SVOPL: variants seen among roughly 807,000 people sequenced by gnomAD.
The protein encoded by SVOPL is putative transporter SVOPL.
A neutral mutation model predicts 61.0 loss-of-function variants in SVOPL; 60 were observed. That is an observed-to-expected ratio of 0.98 (90% CI 0.80 to 1.22). The LOEUF (loss-of-function observed/expected upper bound fraction) is 1.22, where lower values mean the gene tolerates loss of function less well. SVOPL is among the 50% of genes most tolerant of loss of function. The probability of loss-of-function intolerance (pLI) is 0.00; values close to 1 mark genes in which losing one functional copy is unlikely to be tolerated. For synonymous variants in SVOPL, 279 were observed against 250.0 expected, an observed-to-expected ratio of 1.12 and a Z score of -1.09; for missense variants, 662 against 643.9, an observed-to-expected ratio of 1.03 and a Z score of -0.30.
chr7:138,626,079 T>C (rs1799880138), intron 12 of SVOPL, 29 bp from the exon 13 acceptor site: 1 of 1,611,946 alleles, frequency 6.2e-7, no homozygotes, highest in Non-Finnish European at 8.5e-7. Context: ...AGAGAAATTA[T>C]AAAAGGCAGC....
At chr7:138,639,524 G>C (rs1800673669) in intron 9 of SVOPL, among the ~76,000 whole-genome samples, 2 of 151,914 alleles carry the variant, frequency 1.3e-5, no homozygotes, top group Non-Finnish European at 2.9e-5. Context: ...CTACTTGGGA[G>C]GCCGAGGCAG....
intron 1 of SVOPL, among the ~76,000 whole-genome samples, chr7:138,687,370 G>A (rs938720424): frequency 3.6e-4 from 54 of 150,682 alleles, no homozygotes; most frequent in Non-Finnish European, 1.2e-4. Flanking sequence ...CGAGTAGCTG[G>A]GATTACAGGT....
At chr7:138,638,328 G>A (rs1322972212) in intron 9 of SVOPL, among the ~76,000 whole-genome samples, 4 of 146,250 alleles carry the variant, frequency 2.7e-5, no homozygotes, top group Non-Finnish European at 6.0e-5. Flanking sequence ...GAAAGGAGAT[G>A]CAAAAAACTC....
At chr7:138,657,255 A>C (rs1801792416) in intron 6 of SVOPL, among the ~76,000 whole-genome samples, 1 of 152,044 alleles carries the variant, frequency 6.6e-6, no homozygotes, top group South Asian at 2.1e-4. Context: ...TCCTGGGCTC[A>C]AGAGATCTTC....
intron 5 of SVOPL, chr7:138,661,465 G>A (rs1801996284): frequency 9.2e-6 from 9 of 982,484 alleles, no homozygotes; most frequent in Non-Finnish European, 1.1e-5. Flanking sequence ...AGAGACACAG[G>A]AGCATGCGAC....
intron 7 of SVOPL, among the ~76,000 whole-genome samples, chr7:138,652,678 C>T (rs1329563550): frequency 6.6e-6 from 1 of 151,804 alleles, no homozygotes; most frequent in Non-Finnish European, 1.5e-5. Flanking sequence ...TGCAATGGTG[C>T]CATCTCAGCT....
At chr7:138,611,848 T>G (rs1179290850) in intron 14 of SVOPL, among the ~76,000 whole-genome samples, 4 of 68,160 alleles carry the variant, frequency 5.9e-5, no homozygotes, top group East Asian at 4.7e-4. Flanking sequence ...CCTCCCAAAG[T>G]GCCGAGATTG....
chr7:138,617,325 G>A (rs553640736), intron 14 of SVOPL, among the ~76,000 whole-genome samples: 5 of 152,190 alleles, frequency 3.3e-5, no homozygotes, highest in South Asian at 4.1e-4. Flanking sequence ...ATTAGGATAT[G>A]TAAACATATT....
At position 138,656,644 on chromosome 7, in the gene SVOPL, T is replaced by G. The variant is rs1222208183; in HGVS notation, c.471-133A>C. 1.2e-5 allele frequency: 11 copies of G among 889,172 alleles called. No individual in the cohort carries two copies. In the Admixed American group the frequency reaches 2.6e-4, roughly 21 times the overall value. The allele number at this position is 889,172 out of a possible 1,614,324, so 55.1% of individuals were successfully genotyped here. On this transcript the variant is annotated intron_variant, in intron 6 of 15. Transcript: ENST00000674285. Reference sequence around the variant, plus strand: ...AAGTTGATTATATATCAGAAGAGAATTATGACAGCTAATATCCACATAAGA... The same window carrying G: ...AAGTTGATTATATATCAGAAGAGAAGTATGACAGCTAATATCCACATAAGA...
intron 9 of SVOPL, among the ~76,000 whole-genome samples, chr7:138,641,836 C>CATATATATATATATATAT (rs1371202219): frequency 3.3e-5 from 1 of 30,252 alleles, no homozygotes; most frequent in Non-Finnish European, 7.4e-5. Flanking sequence ...ATATATATAA[C>CATATATATATATATATAT]ATATATATAT....
At chr7:138,659,727 A>G in intron 6 of SVOPL, 137 bp downstream of exon 6, 1 of 925,414 alleles carries the variant, frequency 1.1e-6, no homozygotes. Flanking sequence ...GCAAAAATAA[A>G]CTTTCTAAAT....
intron 1 of SVOPL, among the ~76,000 whole-genome samples, chr7:138,682,224 G>A (rs1028525798): frequency 9.2e-5 from 14 of 152,104 alleles, no homozygotes. Flanking sequence ...TAAACTATGA[G>A]GTGAAAGGCT....
At chr7:138,627,270 G>A (rs1430508652) in intron 12 of SVOPL, 80 bp downstream of exon 12, 2 of 1,070,956 alleles carry the variant, frequency 1.9e-6, no homozygotes, top group Admixed American at 4.2e-5. Context: ...ACTTGTCCCT[G>A]AAACTACTGA....
chr7:138,657,030 C>G (rs557150533), intron 6 of SVOPL, among the ~76,000 whole-genome samples: 1 of 148,060 alleles, frequency 6.8e-6, no homozygotes, highest in East Asian at 2.0e-4. Flanking sequence ...GAGCGAAACT[C>G]CATGTTGAAA....
chr7:138,594,932 T>C (rs1359041596), intron 15 of SVOPL, among the ~76,000 whole-genome samples: 1 of 150,442 alleles, frequency 6.6e-6, no homozygotes, highest in Non-Finnish European at 1.5e-5. Flanking sequence ...ATAACTTTTT[T>C]TTTTTTAGAG....
chr7:138,681,549 C>T (rs1288064047), intron 1 of SVOPL, among the ~76,000 whole-genome samples: 3 of 151,994 alleles, frequency 2.0e-5, no homozygotes, highest in African/African-American at 7.2e-5. Context: ...GAGGGCTGGG[C>T]GTGGTAGCTC....
intron 1 of SVOPL, among the ~76,000 whole-genome samples, chr7:138,693,335 G>C (rs997661937): frequency 7.2e-5 from 11 of 151,834 alleles, no homozygotes; most frequent in African/African-American, 2.4e-4. Context: ...GCTGGGTATA[G>C]AGAGACCTCT....
intron 4 of SVOPL, among the ~76,000 whole-genome samples, chr7:138,671,440 C>G (rs1802414576): frequency 6.6e-6 from 1 of 152,210 alleles, no homozygotes; most frequent in African/African-American, 2.4e-5. Flanking sequence ...CTCCTCCTCC[C>G]AGATGCAAGC....
chr7:138,643,730 G>A (rs776851709), intron 9 of SVOPL, among the ~76,000 whole-genome samples: 7 of 146,176 alleles, frequency 4.8e-5, no homozygotes, highest in Non-Finnish European at 1.0e-4. Context: ...CAAACAATAG[G>A]ATAGTGGTTT....
Sources: allele counts gnomAD v4.1 joint callset (sites outside exome capture counted in the v4.1 genomes callset), GRCh38; gene constraint gnomAD v4.1.1; transcripts MANE v1.5; gene names NCBI Gene and HGNC (gene_info 2026-07-23, HGNC 2026-07-21).